Variants in ARID1A observed in about 807,000 individuals in gnomAD.
ARID1A encodes AT-rich interactive domain-containing protein 1A.
In ARID1A, 20 loss-of-function variants were observed where a neutral mutation model predicts 212.6. The observed-to-expected ratio is 0.09, with a 90% CI of 0.07 to 0.14. The LOEUF is 0.14. Among genes scored for constraint, ARID1A ranks in the 10% least tolerant of loss-of-function variants. ARID1A has a pLI of 1.00. For missense variants in ARID1A, 2,587 were observed against 3,059.0 expected, an observed-to-expected ratio of 0.85 and a Z score of 3.64; for synonymous variants, 1,376 against 1,222.1, an observed-to-expected ratio of 1.13 and a Z score of -2.63.
chr1:26,764,661 A>G (rs1381434493), intron 8 of ARID1A: 1 of 152,160 alleles, frequency 6.6e-6, no homozygotes, highest in Non-Finnish European at 1.5e-5. Context: ...TGGAAGTGCA[A>G]AGTTTGCATT....
At chr1:26,738,555 T>G (rs2080756308) in intron 4 of ARID1A, among the ~76,000 whole-genome samples, 1 of 152,002 alleles carries the variant, frequency 6.6e-6, no homozygotes, top group African/African-American at 2.4e-5. Context: ...AGTATACATC[T>G]GACAGGAGCA....
rs1394329605 is a variant in ARID1A at position 26,773,796 on chromosome 1, C to T, written c.4005-6C>T. 1 of 1,614,200 alleles carries T rather than the reference C, an allele frequency of 6.2e-7. No individual in the cohort carries two copies. ...CCCTAATCCTGTGTTTCTTTGCCTCCTATAGACATGATTCCTATGGCAATC... is the reference window on the plus strand; with the variant it reads ...CCCTAATCCTGTGTTTCTTTGCCTCTTATAGACATGATTCCTATGGCAATC... On this transcript the variant is annotated splice_region_variant and splice_polypyrimidine_tract_variant and intron_variant, in intron 16 of 19. Coordinates refer to ENST00000324856, the MANE Select transcript of ARID1A (RefSeq NM_006015.6).
rs2080642939 is a variant in ARID1A, at chr1:26,728,696, C to G, written c.1138-955C>G. Among the ~76,000 whole-genome samples the G allele has an allele frequency of 2.0e-5, 3 of 152,286 alleles. No individual in the cohort carries two copies. In the South Asian group the frequency reaches 6.2e-4, roughly 32 times the overall value. ...TAGTTTTTAAGTTTTATATCAGACCCATGCCTACTCTCCATCTTGTGTGTG... is the reference window on the plus strand; with the variant it reads ...TAGTTTTTAAGTTTTATATCAGACCGATGCCTACTCTCCATCTTGTGTGTG... On this transcript the variant is annotated intron_variant, in intron 1 of 19. Coordinates refer to ENST00000324856, the MANE Select transcript of ARID1A (RefSeq NM_006015.6).
rs2124059651 is a variant in ARID1A, at chr1:26,761,432, T to C, written c.2210T>C (p.Met737Thr). ...CCCAGTGGCCAGTCGGACAGCATCA[T>C]GCATCCTTCCATGAACCAATCAAGC... ...RPPSGQSDSI[M>T]HPSMNQSSIA... Residue 737 changes from methionine (M) to threonine (T), a missense_variant, in exon 6 of 20, where the codon ATG (methionine) becomes ACG (threonine). By Grantham distance (81) the Met-to-Thr change is moderately conservative (BLOSUM62 -1). Transcript: ENST00000324856. 6.2e-7 allele frequency: 1 copy of C among 1,614,224 alleles called. No homozygotes were observed. Among genetic ancestry groups the C allele is most frequent in the Non-Finnish European group, 8.5e-7 (1 of 1,180,036 alleles).
intron 19 of ARID1A, among the ~76,000 whole-genome samples, chr1:26,776,576 C>G (rs568039359): frequency 2.0e-5 from 3 of 150,032 alleles, no homozygotes; most frequent in African/African-American, 7.3e-5. Flanking sequence ...CCCGGCCCTA[C>G]AATATTCTTA....
At chr1:26,745,002 T>G (rs371548117) in intron 4 of ARID1A, among the ~76,000 whole-genome samples, 108 of 152,346 alleles carry the variant, frequency 7.1e-4, no homozygotes, top group African/African-American at 2.5e-3. Context: ...TTTTTTCTCT[T>G]CCTTTACAGC....
intron 4 of ARID1A, among the ~76,000 whole-genome samples, chr1:26,759,073 G>A (rs1250385315): frequency 6.6e-6 from 1 of 152,182 alleles, no homozygotes; most frequent in Non-Finnish European, 1.5e-5. Context: ...TCAGATCTTA[G>A]GGTCAAAGTC....
At chr1:26,723,234 C>T (rs761536705) in intron 1 of ARID1A, among the ~76,000 whole-genome samples, 1 of 152,148 alleles carries the variant, frequency 6.6e-6, no homozygotes. Context: ...GATATTACTC[C>T]TGAGATCTAA....
chr1:26,765,708 TACA>T (rs1001360222), intron 8 of ARID1A: 2 of 149,426 alleles, frequency 1.3e-5, no homozygotes, highest in African/African-American at 2.5e-5. Context: ...CTACTAAAAA[TACA>T]ACATTAGCCG....
chr1:26,732,738 G>C lies in ARID1A; in HGVS notation c.1866G>C (p.Lys622Asn), dbSNP rs765744942. 6.2e-7 allele frequency: 1 copy of C among 1,614,102 alleles called. No individual in the cohort carries two copies. The highest frequency in any genetic ancestry group is 8.5e-7 in the Non-Finnish European group (1 of 1,179,998). ...ASSAPSMTSS[K>N]GGQEDMNLSL... The stretch of plus-strand genomic sequence containing the variant: ...CAGCCCCCTCAATGACCTCCAGTAA[G>C]GGAGGGCAAGAAGATATGAACCTGA... The change falls in exon 4 of 20, where the codon AAG (lysine) becomes AAC (asparagine). Residue 622 changes from lysine to asparagine, a missense_variant. Lys to Asn is a moderately conservative substitution (Grantham distance 94). Around this residue, in one of 11 missense-constraint regions of ARID1A, gnomAD observed 674 missense variants for 813.4 expected, o/e 0.83. Transcript: ENST00000324856.
intron 1 of ARID1A, among the ~76,000 whole-genome samples, chr1:26,716,223 AAAAG>A (rs947865961): frequency 3.3e-5 from 5 of 151,958 alleles, no homozygotes; most frequent in East Asian, 3.9e-4. Context: ...AAAAAAAAGA[AAAAG>A]AAAAAAACCT....
At position 26,731,142 on chromosome 1, in the gene ARID1A, T is replaced by C. The variant is rs1169817343; in HGVS notation, c.1351-10T>C. 2 of 1,611,430 alleles carry C rather than the reference T, an allele frequency of 1.2e-6. No homozygotes were observed. The highest frequency in any genetic ancestry group is 2.2e-5 in the East Asian group (1 of 44,836). On this transcript the variant is annotated splice_polypyrimidine_tract_variant and intron_variant, in intron 2 of 19. Coordinates refer to ENST00000324856, the MANE Select transcript of ARID1A (RefSeq NM_006015.6). ...AGTCAGTGCTAAAAGTATATTTTCC[T>C]TTCCTACAGATTCCTCCTTATGGAC...
At chr1:26,776,211 G>C (rs900809204) in intron 19 of ARID1A, among the ~76,000 whole-genome samples, 1 of 151,490 alleles carries the variant, frequency 6.6e-6, no homozygotes, top group Non-Finnish European at 1.5e-5. Context: ...TGAACAGTAG[G>C]GGCCTTTGTT....
intron 1 of ARID1A, among the ~76,000 whole-genome samples, chr1:26,714,909 A>G (rs2080487626): frequency 6.6e-6 from 1 of 152,222 alleles, no homozygotes. Flanking sequence ...ATCAACATAC[A>G]GTACTTGATT....
intron 19 of ARID1A, 32 bp downstream of exon 19, chr1:26,775,739 G>T (rs2081128906): frequency 6.2e-7 from 1 of 1,613,800 alleles, no homozygotes. Flanking sequence ...AGATTGAGAG[G>T]GTTTGGGATC....
At chr1:26,715,855 A>G (rs2080497732) in intron 1 of ARID1A, among the ~76,000 whole-genome samples, 2 of 151,994 alleles carry the variant, frequency 1.3e-5, no homozygotes, top group Admixed American at 1.3e-4. Flanking sequence ...AAAAAAACAT[A>G]AAATAGTTGG....
In ARID1A at chr1:26,774,556, T is replaced by C. The variant is rs2124118592; in HGVS notation, c.4329T>C (p.Thr1443=). The C allele has an allele frequency of 8.7e-6, 14 of 1,614,196 alleles. No homozygotes were observed. Among genetic ancestry groups the C allele is most frequent in the Non-Finnish European group, 1.2e-5 (14 of 1,180,012 alleles). ...NAYPATATAA[T]ERRPAGGPQN... ...ATCCTGCCACTGCCACAGCTGCTAC[T>C]GAGCGCCGACCAGCAGGCGGCCCCC... Residue 1443 remains threonine, a synonymous_variant, in exon 18 of 20, where the codon ACT becomes ACC. Coordinates refer to ENST00000324856, the MANE Select transcript of ARID1A (RefSeq NM_006015.6). The surrounding 1 kb of genome is among the most constrained non-coding windows in gnomAD (Gnocchi z 5.6).
In ARID1A at chr1:26,696,954, T is replaced by A; in HGVS notation, c.551T>A (p.Leu184Gln). Reference protein sequence around the residue: ...GGQQSPGLAALQSGGGGGLEP... With the variant: ...GGQQSPGLAAQQSGGGGGLEP... ...CAACAAAGCCCTGGCCTGGCAGCGC[T>A]GCAGAGCGGCGGCGGCGGGGGCCTG... The change falls in exon 1 of 20, where the codon CTG becomes CAG. Residue 184 changes from leucine to glutamine, a missense_variant. By Grantham distance (113) the Leu-to-Gln change is moderately radical. Around this residue, in one of 11 missense-constraint regions of ARID1A, gnomAD observed 735 missense variants for 590.6 expected, o/e 1.24. Transcript: ENST00000324856. The A allele has an allele frequency of 6.8e-7, 1 of 1,468,948 alleles. No homozygotes were observed. 91.0% of individuals were successfully genotyped at this position (1,468,948 alleles called of 1,614,324 possible).
chr1:26,696,479 A>AAAGCCGAGCAGCAGC lies in ARID1A; in HGVS notation c.78_92dup (p.Ala27_Gln31dup). 3.2e-6 allele frequency: 4 copies of AAAGCCGAGCAGCAGC among 1,259,914 alleles called. No individual in the cohort carries two copies. The highest frequency in any genetic ancestry group is 4.0e-6 in the Non-Finnish European group (4 of 1,006,012). 78.0% of individuals were successfully genotyped at this position (1,259,914 alleles called of 1,614,324 possible). A position where few individuals can be genotyped will look rare whatever the true frequency, so the allele number is the denominator to read the frequency against. On this transcript the variant is annotated inframe_insertion, in exon 1 of 20. Transcript: ENST00000324856. ...GCCGCCGCCGCCCTCGGAGCTGAAGAAAGCCGAGCAGCAGCAGCGGGAGGA... is the reference window on the plus strand; with the variant it reads ...GCCGCCGCCGCCCTCGGAGCTGAAGAAAGCCGAGCAGCAGCAAGCCGAGCAGCAGCAGCGGGAGGA...
Sources: gnomAD v4.1 joint callset for allele counts (sites outside exome capture counted in the v4.1 genomes callset) on GRCh38, gnomAD v4.1.1 for gene constraint, gnomAD v4.1.1 regional missense constraint, Gnocchi (gnomAD v3.1) non-coding constraint, MANE v1.5 for transcripts, NCBI Gene and HGNC (gene_info 2026-07-23, HGNC 2026-07-21) for gene names.